RAB4A: variants seen among roughly 807,000 people sequenced by gnomAD.
RAB4A encodes RAB4A, member RAS oncogene family.
In RAB4A, 20 loss-of-function variants were observed where a neutral mutation model predicts 34.5. The observed-to-expected ratio is 0.58, with a 90% CI of 0.41 to 0.84. The LOEUF (loss-of-function observed/expected upper bound fraction) is 0.84, where lower values mean the gene tolerates loss of function less well. RAB4A is among the 40% of genes least tolerant of loss of function. RAB4A has a pLI of 0.00. For missense variants in RAB4A, 228 were observed against 274.5 expected (o/e 0.83, Z 1.20); for synonymous variants, 102 against 100.0 (o/e 1.02, Z -0.12).
At chr1:229,278,323 C>T (rs1656699987) in intron 1 of RAB4A, among the ~76,000 whole-genome samples, 1 of 152,204 alleles carries the variant, frequency 6.6e-6, no homozygotes, top group Non-Finnish European at 1.5e-5. Context: ...AGACAGAGCT[C>T]CTTTTAGATT....
chr1:229,305,286 A>G lies in RAB4A; in HGVS notation c.*1493A>G, dbSNP rs771619405. On this transcript the variant is annotated 3_prime_UTR_variant, in exon 8 of 8. Coordinates refer to ENST00000366690, the MANE Select transcript of RAB4A (RefSeq NM_004578.4). The stretch of plus-strand genomic sequence containing the variant: ...CCTCACTGTAAGAATATTTTATTCA[A>G]TGTCTCATTTATGATAGATTTGCAA... 5.0e-6 allele frequency: 8 copies of G among 1,597,352 alleles called. No individual in the cohort carries two copies. In the African/African-American group the frequency reaches 6.7e-5, roughly 13 times the overall value.
At chr1:229,292,732 C>G (rs948294675) in intron 3 of RAB4A, among the ~76,000 whole-genome samples, 11 of 152,322 alleles carry the variant, frequency 7.2e-5, no homozygotes, top group African/African-American at 2.6e-4. Context: ...TTGTTTGTTG[C>G]AAGCTGCACG....
intron 7 of RAB4A, among the ~76,000 whole-genome samples, 200 bp downstream of exon 7, chr1:229,303,189 C>T (rs950352194): frequency 4.6e-5 from 7 of 152,020 alleles, no homozygotes; most frequent in African/African-American, 1.7e-4. Context: ...CATGGTGAAA[C>T]ATCATCTCTA....
intron 3 of RAB4A, among the ~76,000 whole-genome samples, chr1:229,292,455 A>C (rs899378111): frequency 6.6e-6 from 1 of 152,182 alleles, no homozygotes; most frequent in Non-Finnish European, 1.5e-5. Flanking sequence ...AAGAATAGAA[A>C]GGCGCTGCCT....
At chr1:229,271,401 G>T in intron 1 of RAB4A, 31 bp downstream of exon 1, 1 of 1,213,158 alleles carries the variant, frequency 8.2e-7, no homozygotes, top group African/African-American at 1.6e-5. Flanking sequence ...GGGCGCGCGG[G>T]TCGGGCCGCG....
intron 2 of RAB4A, among the ~76,000 whole-genome samples, chr1:229,287,727 A>G (rs1444799361): frequency 6.6e-6 from 1 of 152,148 alleles, no homozygotes. Flanking sequence ...TGGAATTTCC[A>G]TACTAGTTCT....
chr1:229,271,339 G>A lies in RAB4A; in HGVS notation c.-1G>A. The A allele has an allele frequency of 7.7e-7, 1 of 1,304,054 alleles. No individual in the cohort carries two copies. The highest frequency in any genetic ancestry group is 2.2e-5 in the South Asian group (1 of 44,508). 80.8% of individuals were successfully genotyped at this position (1,304,054 alleles called of 1,614,324 possible). A position where few individuals can be genotyped will look rare whatever the true frequency, so the allele number is the denominator to read the frequency against. On this transcript the variant is annotated 5_prime_UTR_variant, in exon 1 of 8. Coordinates refer to ENST00000366690, the MANE Select transcript of RAB4A (RefSeq NM_004578.4). ...CGGCGAGAGGCGGCGCCGCTCCCAA[G>A]ATGTCGCAGACGGCCATGTCCGAAA...
Position 229,295,832 on chromosome 1 carries a change from A to G in RAB4A, c.228-16A>G, listed in dbSNP as rs767602422. On this transcript the variant is annotated splice_polypyrimidine_tract_variant and intron_variant, in intron 3 of 7. Coordinates refer to ENST00000366690, the MANE Select transcript of RAB4A (RefSeq NM_004578.4). ...GTCTCAATTGGTTGAAAGTAAAACC[A>G]GTATAATTCTTCCAGGTCCGTGACG... 1.9e-6 allele frequency: 3 copies of G among 1,613,926 alleles called. No homozygotes were observed. Among genetic ancestry groups the G allele is most frequent in the East Asian group, 2.2e-5 (1 of 44,884 alleles).
intron 1 of RAB4A, among the ~76,000 whole-genome samples, chr1:229,273,219 A>G (rs1323592123): frequency 6.6e-6 from 1 of 152,216 alleles, no homozygotes; most frequent in African/African-American, 2.4e-5. Flanking sequence ...TTTTTCGTAT[A>G]CGCATGATAA....
chr1:229,295,856 C>T lies in RAB4A; in HGVS notation c.236C>T (p.Thr79Met), dbSNP rs1172272102. The T allele has an allele frequency of 1.1e-5, 18 of 1,614,022 alleles. No individual in the cohort carries two copies. Among genetic ancestry groups the T allele is most frequent in the Admixed American group, 1.7e-5 (1 of 60,004 alleles). Residue 79 changes from threonine (T) to methionine (M), a missense_variant, in exon 4 of 8, where the codon ACG (threonine) becomes ATG (methionine). Thr to Met is a moderately conservative substitution (Grantham distance 81). Transcript: ENST00000366690. Reference protein sequence around the residue: ...TAGQERFRSVTRSYYRGAAGA... With the variant: ...TAGQERFRSVMRSYYRGAAGA... Reference sequence around the variant, plus strand: ...CAGTATAATTCTTCCAGGTCCGTGACGAGAAGTTATTACCGAGGCGCGGCC... The same window carrying T: ...CAGTATAATTCTTCCAGGTCCGTGATGAGAAGTTATTACCGAGGCGCGGCC...
At position 229,283,791 on chromosome 1, in the gene RAB4A, A is replaced by G. The variant is rs181632789; in HGVS notation, c.32-2695A>G. On this transcript the variant is annotated intron_variant, in intron 1 of 7. Transcript: ENST00000366690. The stretch of plus-strand genomic sequence containing the variant: ...GCCCAGGCTGGAATGCAGTGGCACA[A>G]TCTTGCTTCACTGCAACCTCTGCCT... Among the ~76,000 whole-genome samples, 959 of 151,664 alleles carry G rather than the reference A, an allele frequency of 6.3e-3. 11 individuals carry two copies. The highest frequency in any genetic ancestry group is 0.022 in the African/African-American group (917 of 41,262).
intron 1 of RAB4A, among the ~76,000 whole-genome samples, chr1:229,272,644 G>A (rs1217953778): frequency 1.3e-5 from 2 of 152,202 alleles, no homozygotes; most frequent in Non-Finnish European, 2.9e-5. Flanking sequence ...CAGGCCTGTG[G>A]GAAGGGTAAC....
chr1:229,284,094 G>GTTTTTTTT (rs773213321), intron 1 of RAB4A, among the ~76,000 whole-genome samples: 2 of 45,916 alleles, frequency 4.4e-5, no homozygotes, highest in Non-Finnish European at 7.6e-5. Context: ...GTGTTGTTTG[G>GTTTTTTTT]TTTTTTTTTT....
intron 3 of RAB4A, among the ~76,000 whole-genome samples, chr1:229,294,495 A>G (rs1253694491): frequency 6.6e-6 from 1 of 152,204 alleles, no homozygotes; most frequent in Admixed American, 6.5e-5. Context: ...GATGGACACT[A>G]GGTTGGCGGT....
At chr1:229,276,852 C>T (rs1656663737) in intron 1 of RAB4A, among the ~76,000 whole-genome samples, 1 of 150,896 alleles carries the variant, frequency 6.6e-6, no homozygotes, top group Non-Finnish European at 1.5e-5. Flanking sequence ...GACTATCTTA[C>T]AGCTTGCCAC....
chr1:229,278,118 G>A (rs1653884626), intron 1 of RAB4A, among the ~76,000 whole-genome samples: 1 of 152,156 alleles, frequency 6.6e-6, no homozygotes, highest in Non-Finnish European at 1.5e-5. Flanking sequence ...ACCCACCTTG[G>A]CCTCCCAAAA....
chr1:229,272,054 T>C (rs1656499915), intron 1 of RAB4A, among the ~76,000 whole-genome samples: 3 of 152,150 alleles, frequency 2.0e-5, no homozygotes, highest in African/African-American at 7.2e-5. Context: ...CACCCAGACC[T>C]GGAGGTGCTT....
At chr1:229,295,795 A>G in intron 3 of RAB4A, 53 bp from the exon 4 acceptor site, 2 of 1,574,432 alleles carry the variant, frequency 1.3e-6, no homozygotes, top group Non-Finnish European at 1.7e-6. Context: ...GGAAAGTGGG[A>G]TACAGTAAAG....
At chr1:229,282,784 G>A (rs958714355) in intron 1 of RAB4A, among the ~76,000 whole-genome samples, 2 of 152,090 alleles carry the variant, frequency 1.3e-5, no homozygotes, top group Admixed American at 6.5e-5. Context: ...TGGTTCTTCT[G>A]TGTATCTTCT....
Sources: gnomAD v4.1 joint callset for allele counts (sites outside exome capture counted in the v4.1 genomes callset) on GRCh38, gnomAD v4.1.1 for gene constraint, MANE v1.5 for transcripts, NCBI Gene and HGNC (gene_info 2026-07-23, HGNC 2026-07-21) for gene names.